Variants in ADAMTS19 observed in about 807,000 individuals in gnomAD.
The protein encoded by ADAMTS19 is A disintegrin and metalloproteinase with thrombospondin motifs 19.
ADAMTS19 carries 93 observed loss-of-function variants against 153.3 expected under a neutral mutation model. The ratio of observed to expected loss-of-function variants is 0.61; its 90% CI spans 0.51 to 0.72. The LOEUF (loss-of-function observed/expected upper bound fraction) is 0.72. ADAMTS19 is among the 30% of genes least tolerant of loss of function. The pLI is 0.00. For missense variants in ADAMTS19, 1,482 were observed against 1,552.1 expected (o/e 0.95, Z 0.76); for synonymous variants, 600 against 556.6 (o/e 1.08, Z -1.10).
rs1757764479 is a variant in ADAMTS19 at position 129,738,407 on chromosome 5, T to C, written c.*1189T>C. On this transcript the variant is annotated 3_prime_UTR_variant, in exon 23 of 23. Coordinates refer to ENST00000274487, the MANE Select transcript of ADAMTS19 (RefSeq NM_133638.6). ...GAACAAAGGTACTGTCTACTTTTGT[T>C]CTGGAGTATCTTCTAGAGGATGTTT... 1 of 152,058 alleles carries C rather than the reference T, an allele frequency of 6.6e-6. No homozygotes were observed. The highest frequency in any genetic ancestry group is 6.6e-5 in the Admixed American group (1 of 15,236). The allele number at this position is 152,058 out of a possible 1,614,324, so 9.4% of individuals were successfully genotyped here.
intron 8 of ADAMTS19, among the ~76,000 whole-genome samples, chr5:129,614,583 T>C (rs903125748): frequency 1.3e-5 from 2 of 152,270 alleles, no homozygotes; most frequent in East Asian, 3.9e-4. Flanking sequence ...AATATCATAC[T>C]GAATGGGCAA....
intron 7 of ADAMTS19, among the ~76,000 whole-genome samples, chr5:129,575,706 G>A (rs554298074): frequency 4.7e-4 from 71 of 152,154 alleles, no homozygotes; most frequent in African/African-American, 1.7e-3. Context: ...AGTTAGTTGT[G>A]TAATCTACCA....
chr5:129,499,247 G>A (rs964357893), intron 2 of ADAMTS19, among the ~76,000 whole-genome samples: 2 of 151,994 alleles, frequency 1.3e-5, no homozygotes, highest in Non-Finnish European at 2.9e-5. Context: ...TATGAAAATA[G>A]CTTCTGTTGA....
chr5:129,574,606 C>T (rs1271149921), intron 7 of ADAMTS19, among the ~76,000 whole-genome samples: 1 of 151,980 alleles, frequency 6.6e-6, no homozygotes, highest in African/African-American at 2.4e-5. Context: ...CAGTATTTGA[C>T]ACAAGACCAT....
In ADAMTS19 at chr5:129,541,172, A is replaced by ATT. The variant is rs201932816; in HGVS notation, c.1329-10678_1329-10677dup. Among the ~76,000 whole-genome samples, 344 of 144,364 alleles carry ATT rather than the reference A, an allele frequency of 2.4e-3. 2 individuals carry two copies. In the East Asian group the frequency reaches 0.027, roughly 11 times the overall value. 94.7% of individuals were successfully genotyped at this position (144,364 alleles called of 152,430 possible). A position where few individuals can be genotyped will look rare whatever the true frequency, so the allele number is the denominator to read the frequency against. ...TAGTGTTTCTGGATGAAATAACTAG[A>ATT]TTTTTTTTTTTTTTTGTAATGTGCT... On this transcript the variant is annotated intron_variant, in intron 6 of 22. Coordinates refer to ENST00000274487, the MANE Select transcript of ADAMTS19 (RefSeq NM_133638.6).
At chr5:129,680,585 C>T (rs751924222) in intron 17 of ADAMTS19, among the ~76,000 whole-genome samples, 1 of 151,820 alleles carries the variant, frequency 6.6e-6, no homozygotes. Context: ...GCTGAAACTC[C>T]GTCTCTACTA....
chr5:129,512,955 C>T (rs567639663), intron 3 of ADAMTS19, among the ~76,000 whole-genome samples: 5 of 151,756 alleles, frequency 3.3e-5, no homozygotes, highest in African/African-American at 7.2e-5. Context: ...TGATATAATC[C>T]GAAGCCAATG....
chr5:129,645,132 T>C (rs1306449087), intron 11 of ADAMTS19, among the ~76,000 whole-genome samples: 6 of 152,210 alleles, frequency 3.9e-5, no homozygotes, highest in Non-Finnish European at 7.3e-5. Flanking sequence ...TGTTGGGTCA[T>C]GCACTGTCCC....
At chr5:129,508,411 A>C (rs936224402) in intron 2 of ADAMTS19, among the ~76,000 whole-genome samples, 2 of 152,122 alleles carry the variant, frequency 1.3e-5, no homozygotes, top group African/African-American at 2.4e-5. Context: ...TATTACAAGT[A>C]TACCTACTTG....
intron 7 of ADAMTS19, among the ~76,000 whole-genome samples, chr5:129,582,005 T>C (rs1749539473): frequency 6.6e-6 from 1 of 151,782 alleles, no homozygotes; most frequent in African/African-American, 2.4e-5. Flanking sequence ...TGCTGAGGAG[T>C]GTTTTATTTC....
intron 16 of ADAMTS19, among the ~76,000 whole-genome samples, chr5:129,678,929 A>G (rs1268947231): frequency 6.6e-6 from 1 of 152,200 alleles, no homozygotes; most frequent in Non-Finnish European, 1.5e-5. Context: ...ATCCTCATGT[A>G]CATGTCTTTA....
intron 13 of ADAMTS19, 85 bp from the exon 14 acceptor site, chr5:129,654,221 A>G (rs529234626): frequency 2.1e-5 from 27 of 1,312,924 alleles, no homozygotes; most frequent in South Asian, 7.4e-5. Context: ...TTTTTACTCA[A>G]TAACGATTCT....
At chr5:129,721,753 C>T (rs1353089940) in intron 21 of ADAMTS19, among the ~76,000 whole-genome samples, 1 of 152,100 alleles carries the variant, frequency 6.6e-6, no homozygotes, top group Non-Finnish European at 1.5e-5. Flanking sequence ...CTCTCCCTCC[C>T]CTTCTCCACC....
chr5:129,621,804 T>A (rs957983146), intron 9 of ADAMTS19, among the ~76,000 whole-genome samples: 2 of 152,212 alleles, frequency 1.3e-5, no homozygotes, highest in Non-Finnish European at 2.9e-5. Context: ...CACCTGAGGA[T>A]GCTTTCCATA....
intron 3 of ADAMTS19, among the ~76,000 whole-genome samples, chr5:129,524,771 A>C (rs1335845964): frequency 5.3e-5 from 8 of 151,800 alleles, no homozygotes; most frequent in Non-Finnish European, 7.4e-5. Flanking sequence ...AAAAAAAAAA[A>C]CGAAGGAAAA....
intron 11 of ADAMTS19, among the ~76,000 whole-genome samples, chr5:129,644,691 T>C (rs1752977771): frequency 6.6e-6 from 1 of 152,206 alleles, no homozygotes; most frequent in Non-Finnish European, 1.5e-5. Flanking sequence ...TTCAAAGAGA[T>C]TAAGTAGTGG....
chr5:129,519,833 C>A (rs112754404), intron 3 of ADAMTS19, among the ~76,000 whole-genome samples: 1 of 152,094 alleles, frequency 6.6e-6, no homozygotes, highest in East Asian at 1.9e-4. Context: ...TCCGTCTAAC[C>A]CTCTCATAAT....
intron 16 of ADAMTS19, among the ~76,000 whole-genome samples, chr5:129,672,793 T>C (rs1754363879): frequency 6.9e-6 from 1 of 144,812 alleles, no homozygotes; most frequent in Non-Finnish European, 1.5e-5. Flanking sequence ...TTGGTTGGCA[T>C]GTGCAAGTCC....
chr5:129,613,533 G>A (rs982813026), intron 8 of ADAMTS19, among the ~76,000 whole-genome samples: 1 of 151,940 alleles, frequency 6.6e-6, no homozygotes, highest in African/African-American at 2.4e-5. Flanking sequence ...CACATTTAAA[G>A]CAGTGTGTAA....
Sources: allele counts gnomAD v4.1 joint callset (sites outside exome capture counted in the v4.1 genomes callset), GRCh38; gene constraint gnomAD v4.1.1; transcripts MANE v1.5; gene names NCBI Gene and HGNC (gene_info 2026-07-23, HGNC 2026-07-21).